The following USP15 variants were observed in gnomAD, a reference collection of about 807,000 sequenced individuals.
USP15 encodes ubiquitin carboxyl-terminal hydrolase 15.
USP15 carries 18 observed loss-of-function variants against 127.1 expected under a neutral mutation model. That is an observed-to-expected ratio of 0.14 (90% CI 0.10 to 0.21). The LOEUF (loss-of-function observed/expected upper bound fraction) is 0.21, where lower values mean the gene tolerates loss of function less well. Among genes scored for constraint, USP15 ranks in the 10% least tolerant of loss-of-function variants. The pLI, the probability that USP15 is intolerant of heterozygous loss-of-function variation, is 1.00. For synonymous variants in USP15, 364 were observed against 393.7 expected, an observed-to-expected ratio of 0.92 and a Z score of 0.89; for missense variants, 805 against 1,159.9, an observed-to-expected ratio of 0.69 and a Z score of 4.44.
At chr12:62,382,396 G>A (rs1337316679) in intron 9 of USP15, among the ~76,000 whole-genome samples, 1 of 151,838 alleles carries the variant, frequency 6.6e-6, no homozygotes, top group Non-Finnish European at 1.5e-5. Context: ...AATTTAAATG[G>A]CATTGATAGA....
chr12:62,349,961 T>C (rs1044613844), intron 7 of USP15, among the ~76,000 whole-genome samples: 2 of 152,118 alleles, frequency 1.3e-5, no homozygotes, highest in Non-Finnish European at 1.5e-5. Context: ...AAAACCTTTA[T>C]TATTTGTAAT....
At chr12:62,264,059 C>T (rs988220855) in intron 1 of USP15, among the ~76,000 whole-genome samples, 2 of 152,176 alleles carry the variant, frequency 1.3e-5, no homozygotes, top group African/African-American at 4.8e-5. Flanking sequence ...GTGGTCTCGG[C>T]TCACCGCAAC....
intron 2 of USP15, among the ~76,000 whole-genome samples, chr12:62,301,113 G>C (rs747431318): frequency 6.6e-6 from 1 of 152,058 alleles, no homozygotes; most frequent in Non-Finnish European, 1.5e-5. Context: ...CAAAAAGCAC[G>C]TGCAAAAATG....
At chr12:62,387,120 CTT>C (rs1160012631) in intron 11 of USP15, among the ~76,000 whole-genome samples, 2 of 152,098 alleles carry the variant, frequency 1.3e-5, no homozygotes, top group African/African-American at 4.8e-5. Flanking sequence ...GATATGCTGA[CTT>C]ACAGATGCAT....
intron 1 of USP15, among the ~76,000 whole-genome samples, chr12:62,269,209 A>G (rs1188977445): frequency 6.6e-6 from 1 of 152,038 alleles, no homozygotes; most frequent in Non-Finnish European, 1.5e-5. Context: ...ACAAATCTAG[A>G]TGGGATTGCC....
chr12:62,285,647 G>A (rs2063765674), intron 1 of USP15, among the ~76,000 whole-genome samples: 1 of 152,028 alleles, frequency 6.6e-6, no homozygotes, highest in East Asian at 1.9e-4. Context: ...GTGTGTGTGT[G>A]TATCCATATA....
intron 3 of USP15, among the ~76,000 whole-genome samples, chr12:62,308,304 T>G (rs893221097): frequency 2.6e-5 from 4 of 152,086 alleles, no homozygotes; most frequent in Non-Finnish European, 5.9e-5. Context: ...GGGGGTAGAC[T>G]GTGGTAGCCA....
intron 3 of USP15, chr12:62,304,830 T>TAAAAAAAAAA (rs34411608): frequency 5.8e-6 from 1 of 171,926 alleles, no homozygotes; most frequent in Non-Finnish European, 1.2e-5. Context: ...TTATTATGCT[T>TAAAAAAAAAA]AAAAAAAAAA....
At chr12:62,321,661 C>T in intron 5 of USP15, 52 bp downstream of exon 5, 2 of 1,399,772 alleles carry the variant, frequency 1.4e-6, no homozygotes, top group Non-Finnish European at 1.9e-6. Context: ...TTTGGATTCA[C>T]AAACTTTAAT....
At chr12:62,307,468 T>C (rs969098095) in intron 3 of USP15, among the ~76,000 whole-genome samples, 2 of 152,158 alleles carry the variant, frequency 1.3e-5, no homozygotes, top group African/African-American at 4.8e-5. Context: ...GGCTATGTTC[T>C]GTGTGCTTCA....
At chr12:62,286,541 A>T (rs1481746517) in intron 1 of USP15, among the ~76,000 whole-genome samples, 1 of 152,192 alleles carries the variant, frequency 6.6e-6, no homozygotes. Flanking sequence ...AAATCATTCT[A>T]CCAAAAAGAC....
In USP15 at chr12:62,355,453, G is replaced by A; in HGVS notation, c.893G>A (p.Cys298Tyr). 6.2e-7 allele frequency: 1 copy of A among 1,603,968 alleles called. No homozygotes were observed. Among genetic ancestry groups the A allele is most frequent in the Non-Finnish European group, 8.5e-7 (1 of 1,175,430 alleles). The change falls in exon 8 of 22, where the codon TGT (cysteine) becomes TAT (tyrosine). Residue 298 changes from cysteine (C) to tyrosine (Y), a missense_variant. Physicochemically the swap from Cys to Tyr is radical, Grantham distance 194 (BLOSUM62 -2). Around this residue, in one of 11 missense-constraint regions of USP15, gnomAD observed 84 missense variants for 107.7 expected, o/e 0.78. Coordinates refer to ENST00000280377, the MANE Select transcript of USP15 (RefSeq NM_001252078.2). Reference protein sequence around the residue: ...LCGLSNLGNTCFMNSAIQCLS... With the variant: ...LCGLSNLGNTYFMNSAIQCLS... ...GGCCTAAGTAACTTGGGAAATACGT[G>A]TTTCATGAACTCAGCTATTCAGGTA...
intron 11 of USP15, among the ~76,000 whole-genome samples, chr12:62,385,164 ATAT>A (rs753378897): frequency 6.6e-4 from 101 of 152,072 alleles, no homozygotes; most frequent in Non-Finnish European, 5.6e-4. Flanking sequence ...TGGCTGGTAA[ATAT>A]TAATGCACAA....
At chr12:62,263,650 G>A (rs1027397132) in intron 1 of USP15, among the ~76,000 whole-genome samples, 22 of 152,124 alleles carry the variant, frequency 1.4e-4, no homozygotes, top group African/African-American at 2.4e-5. Context: ...AAATTAATAC[G>A]AGAGTAATAC....
intron 2 of USP15, among the ~76,000 whole-genome samples, 158 bp from the exon 3 acceptor site, chr12:62,302,632 A>G (rs2064350785): frequency 1.3e-5 from 2 of 152,230 alleles, no homozygotes; most frequent in South Asian, 2.1e-4. Context: ...CGGCCCAGAG[A>G]AACCCAAAAA....
chr12:62,396,234 G>C, intron 19 of USP15, 61 bp from the exon 20 acceptor site: 1 of 1,346,122 alleles, frequency 7.4e-7, no homozygotes, highest in Non-Finnish European at 1.0e-6. Context: ...TGGCAGAAGG[G>C]AATAGAATTC....
intron 8 of USP15, among the ~76,000 whole-genome samples, chr12:62,360,350 T>C (rs2066275908): frequency 6.6e-6 from 1 of 152,096 alleles, no homozygotes; most frequent in Admixed American, 6.6e-5. Flanking sequence ...ATGATCTGTT[T>C]ATTAGGAAAA....
chr12:62,330,179 G>A (rs1432281458), intron 6 of USP15, among the ~76,000 whole-genome samples: 1 of 151,954 alleles, frequency 6.6e-6, no homozygotes, highest in East Asian at 1.9e-4. Context: ...ATAATAGGAG[G>A]AAAGAGGAAA....
intron 7 of USP15, among the ~76,000 whole-genome samples, chr12:62,350,346 A>G (rs1038181848): frequency 2.6e-5 from 4 of 152,200 alleles, no homozygotes; most frequent in Non-Finnish European, 5.9e-5. Flanking sequence ...TTTGTATAAA[A>G]AGAATTTAAT....
Sources: gnomAD v4.1 joint callset for allele counts (sites outside exome capture counted in the v4.1 genomes callset) on GRCh38, gnomAD v4.1.1 for gene constraint, gnomAD v4.1.1 regional missense constraint, MANE v1.5 for transcripts, NCBI Gene and HGNC (gene_info 2026-07-23, HGNC 2026-07-21) for gene names.